SGCD: variants seen among roughly 807,000 people sequenced by gnomAD.
The protein encoded by SGCD is delta-sarcoglycan.
A neutral mutation model predicts 36.6 loss-of-function variants in SGCD; 18 were observed. That is an observed-to-expected ratio of 0.49 (90% CI 0.34 to 0.73). The LOEUF (loss-of-function observed/expected upper bound fraction) is 0.73. Among genes scored for constraint, SGCD ranks in the 30% least tolerant of loss-of-function variants. SGCD has a pLI of 0.01. For synonymous variants in SGCD, 133 were observed against 130.6 expected, an observed-to-expected ratio of 1.02 and a Z score of -0.12; for missense variants, 387 against 346.7, an observed-to-expected ratio of 1.12 and a Z score of -0.92.
chr5:156,479,572 C>T (rs188965447), intron 3 of SGCD, among the ~76,000 whole-genome samples: 1 of 152,268 alleles, frequency 6.6e-6, no homozygotes, highest in African/African-American at 2.4e-5. Context: ...GCACTAAGAC[C>T]TAGGGAGTAT....
intron 5 of SGCD, among the ~76,000 whole-genome samples, chr5:156,590,037 G>T (rs1760659883): frequency 6.6e-6 from 1 of 152,150 alleles, no homozygotes. Flanking sequence ...GAACAGGGAG[G>T]CATTATGCAC....
At chr5:156,454,980 T>C (rs1461228990) in intron 3 of SGCD, among the ~76,000 whole-genome samples, 1 of 152,192 alleles carries the variant, frequency 6.6e-6, no homozygotes, top group African/African-American at 2.4e-5. Context: ...CCTTCTGCAA[T>C]GTGCCTTCAG....
intron 1 of SGCD, among the ~76,000 whole-genome samples, chr5:156,061,358 T>A (rs1760202307): frequency 6.9e-6 from 1 of 145,828 alleles, no homozygotes; most frequent in Admixed American, 6.9e-5. Flanking sequence ...GTTAATTAAA[T>A]TTCTGTTAGG....
At chr5:155,888,790 T>G (rs1756062366) in intron 1 of SGCD, among the ~76,000 whole-genome samples, 1 of 152,094 alleles carries the variant, frequency 6.6e-6, no homozygotes, top group Non-Finnish European at 1.5e-5. Context: ...GACCTTCCTG[T>G]TTTTCTTTTT....
intron 3 of SGCD, among the ~76,000 whole-genome samples, chr5:156,448,969 G>T (rs1440457296): frequency 6.6e-6 from 1 of 151,952 alleles, no homozygotes; most frequent in Non-Finnish European, 1.5e-5. Context: ...GGCCAGGCTG[G>T]TCTGGAACTC....
chr5:155,867,663 T>C (rs905245891), upstream of SGCD, among the ~76,000 whole-genome samples: 1 of 152,200 alleles, frequency 6.6e-6, no homozygotes, highest in South Asian at 2.1e-4. Flanking sequence ...AGCCAGAAGA[T>C]GCCCCTTCAT....
chr5:156,290,527 G>A (rs1401047119), intron 3 of SGCD, among the ~76,000 whole-genome samples: 2 of 152,148 alleles, frequency 1.3e-5, no homozygotes, highest in African/African-American at 2.4e-5. Context: ...GAAACAGGTA[G>A]GTTGGCAGTA....
chr5:156,559,225 C>G (rs773514645), intron 4 of SGCD, among the ~76,000 whole-genome samples: 9 of 152,268 alleles, frequency 5.9e-5, no homozygotes, highest in African/African-American at 2.2e-4. Context: ...GCCCCTGGCT[C>G]TCTCAGACTG....
At chr5:156,330,677 C>A (rs1445083315) in intron 2 of SGCD, among the ~76,000 whole-genome samples, 1 of 152,198 alleles carries the variant, frequency 6.6e-6, no homozygotes, top group African/African-American at 2.4e-5. Context: ...ACTTAGTCAT[C>A]TGAACAATGC....
At chr5:155,906,782 G>A (rs1756521828) in intron 1 of SGCD, among the ~76,000 whole-genome samples, 1 of 150,142 alleles carries the variant, frequency 6.7e-6, no homozygotes, top group South Asian at 2.1e-4. Context: ...GCAAGGTGAA[G>A]CAGCAAATGT....
At chr5:156,049,477 T>G (rs1422208405) in intron 1 of SGCD, among the ~76,000 whole-genome samples, 1 of 146,272 alleles carries the variant, frequency 6.8e-6, no homozygotes, top group Non-Finnish European at 1.5e-5. Flanking sequence ...TTCTTCCATT[T>G]GTTTGTATCC....
chr5:156,067,615 C>T (rs1470927767), intron 1 of SGCD, among the ~76,000 whole-genome samples: 9 of 99,198 alleles, frequency 9.1e-5, no homozygotes, highest in Admixed American at 1.9e-4. Flanking sequence ...TAGGACCCTC[C>T]GAGCCAGGTG....
At chr5:156,548,020 G>C (rs1233543066) in intron 4 of SGCD, among the ~76,000 whole-genome samples, 1 of 152,096 alleles carries the variant, frequency 6.6e-6, no homozygotes, top group Non-Finnish European at 1.5e-5. Context: ...CATAGCATTG[G>C]GCTGGTTCCC....
the SGCD span, among the ~76,000 whole-genome samples, chr5:155,842,699 A>C: frequency 6.6e-6 from 1 of 152,200 alleles, no homozygotes; most frequent in Non-Finnish European, 1.5e-5. Context: ...AAAACTAACA[A>C]AATAGAATTT....
intron 1 of SGCD, among the ~76,000 whole-genome samples, chr5:156,098,259 T>C (rs1761428371): frequency 6.6e-6 from 1 of 152,220 alleles, no homozygotes; most frequent in African/African-American, 2.4e-5. Flanking sequence ...GTTTCTTATT[T>C]GAAATGGCTA....
upstream of SGCD, among the ~76,000 whole-genome samples, chr5:155,865,806 T>C (rs950040127): frequency 6.6e-6 from 1 of 152,232 alleles, no homozygotes; most frequent in Admixed American, 6.5e-5. Context: ...TTGCTCACAT[T>C]GGCAGATGTA....
intron 3 of SGCD, among the ~76,000 whole-genome samples, chr5:156,321,496 C>G (rs536938333): frequency 6.6e-6 from 1 of 152,172 alleles, no homozygotes; most frequent in South Asian, 2.1e-4. Context: ...TGAAGTGAGT[C>G]TTTGGTATTT....
chr5:156,105,245 G>A (rs1761616555), intron 1 of SGCD, among the ~76,000 whole-genome samples: 1 of 152,152 alleles, frequency 6.6e-6, no homozygotes, highest in African/African-American at 2.4e-5. Context: ...GGAGTATTAT[G>A]TAAATAAAGA....
chr5:156,145,554 A>G (rs530572931), intron 3 of SGCD, among the ~76,000 whole-genome samples: 1 of 152,336 alleles, frequency 6.6e-6, no homozygotes, highest in South Asian at 2.1e-4. Context: ...TGAAATTAAG[A>G]ATGAATTTTA....
Sources: gnomAD v4.1 joint callset for allele counts (sites outside exome capture counted in the v4.1 genomes callset) on GRCh38, gnomAD v4.1.1 for gene constraint, MANE v1.5 for transcripts, NCBI Gene and HGNC (gene_info 2026-07-23, HGNC 2026-07-21) for gene names.